The following CDH3 variants were observed in gnomAD, a reference collection of about 807,000 sequenced individuals.
CDH3 encodes the protein cadherin-3.
In CDH3, 54 loss-of-function variants were observed where a neutral mutation model predicts 82.0. The ratio of observed to expected loss-of-function variants is 0.66; its 90% CI spans 0.53 to 0.83. The LOEUF (loss-of-function observed/expected upper bound fraction) is 0.83. Among genes scored for constraint, CDH3 ranks in the 40% least tolerant of loss-of-function variants. The pLI is 0.00. For missense variants in CDH3, 1,054 were observed against 1,084.6 expected, an observed-to-expected ratio of 0.97 and a Z score of 0.40; for synonymous variants, 446 against 437.9, an observed-to-expected ratio of 1.02 and a Z score of -0.23.
chr16:68,682,564 G>A (rs1203994356), intron 9 of CDH3, 77 bp downstream of exon 9: 4 of 1,381,362 alleles, frequency 2.9e-6, no homozygotes, highest in Admixed American at 1.7e-5. Context: ...AGGAGCCACT[G>A]TCTACCGTGG....
downstream of CDH3, among the ~76,000 whole-genome samples, chr16:68,700,658 C>T (rs945840068): frequency 6.6e-6 from 1 of 152,136 alleles, no homozygotes; most frequent in South Asian, 2.1e-4. Flanking sequence ...GAGTTATAGG[C>T]GTGAGCCACC....
intron 2 of CDH3, among the ~76,000 whole-genome samples, chr16:68,656,935 C>T (rs1178768392): frequency 6.6e-6 from 1 of 152,146 alleles, no homozygotes; most frequent in Non-Finnish European, 1.5e-5. Flanking sequence ...ACTGACAGCC[C>T]TCTGCAGAGA....
chr16:68,665,989 A>G (rs933316909), intron 2 of CDH3, among the ~76,000 whole-genome samples: 1 of 152,172 alleles, frequency 6.6e-6, no homozygotes, highest in Non-Finnish European at 1.5e-5. Context: ...ATGGGGGCCT[A>G]CCACCCATAC....
At chr16:68,732,676 C>T in the CDH3 span, among the ~76,000 whole-genome samples, 1 of 152,134 alleles carries the variant, frequency 6.6e-6, no homozygotes, top group African/African-American at 2.4e-5. Flanking sequence ...GGGTTTTCCC[C>T]AGTTGAGATG....
intron 8 of CDH3, among the ~76,000 whole-genome samples, chr16:68,681,778 C>T (rs922617110): frequency 6.6e-6 from 1 of 151,920 alleles, no homozygotes; most frequent in Non-Finnish European, 1.5e-5. Context: ...GTGGAGGTTG[C>T]AGTGAGCCGA....
intron 1 of CDH3, among the ~76,000 whole-genome samples, chr16:68,721,229 CTTTT>C (rs71148941): frequency 6.6e-4 from 76 of 114,560 alleles, no homozygotes; most frequent in Non-Finnish European, 6.7e-4. Context: ...GCAGTTTAGT[CTTTT>C]TTTTTTTTTT....
chr16:68,688,821 T>G (rs1483881746), intron 12 of CDH3, among the ~76,000 whole-genome samples: 1 of 152,146 alleles, frequency 6.6e-6, no homozygotes, highest in Non-Finnish European at 1.5e-5. Context: ...GGTTTTGCCA[T>G]GTTGGCCAGG....
chr16:68,712,489 C>T (rs1299782920), intron 1 of CDH3, among the ~76,000 whole-genome samples: 1 of 152,068 alleles, frequency 6.6e-6, no homozygotes, highest in Admixed American at 6.6e-5. Context: ...ATTCTAAGAG[C>T]GGGTAGTCTA....
chr16:68,684,669 C>A lies in CDH3; in HGVS notation c.1269C>A (p.Ser423=). The A allele has an allele frequency of 6.2e-7, 1 of 1,614,228 alleles. No individual in the cohort carries two copies. Among genetic ancestry groups the A allele is most frequent in the Non-Finnish European group, 8.5e-7 (1 of 1,180,040 alleles). The change falls in exon 10 of 16, where the codon TCC becomes TCA. Residue 423 remains serine (S), a synonymous_variant. Transcript: ENST00000264012. ...CTTTTGTGCTGAAGCTCCCAACCTC[C>A]ACAGCCACCATAGTGGTCCACGTGG... ...EAPFVLKLPT[S]TATIVVHVED...
rs1421469006 is a variant in CDH3 at position 68,691,745 on chromosome 16, G to A, written c.1821G>A (p.Lys607=). 6.2e-7 allele frequency: 1 copy of A among 1,614,130 alleles called. No homozygotes were observed. The highest frequency in any genetic ancestry group is 1.1e-5 in the South Asian group (1 of 91,080). ...GTGACACAGTGGTCTTGTCCCTGAA[G>A]AAGTTCCTGAAGCAGGATACATATG... ...EEGDTVVLSL[K]KFLKQDTYDV... Residue 607 remains lysine, a synonymous_variant, in exon 13 of 16, where the codon AAG becomes AAA. Coordinates refer to ENST00000264012, the MANE Select transcript of CDH3 (RefSeq NM_001793.6).
rs866146710 is a variant in CDH3 at position 68,682,526 on chromosome 16, G to T, written c.1182+39G>T. On this transcript the variant is annotated intron_variant, in intron 9 of 15. Coordinates refer to ENST00000264012, the MANE Select transcript of CDH3 (RefSeq NM_001793.6). The stretch of plus-strand genomic sequence containing the variant: ...GGCCTCAGACAATGGCTATACCTGG[G>T]GCAGTCAGGTCTGCAGCCTTCAGGA... The T allele has an allele frequency of 3.8e-6, 6 of 1,592,500 alleles. No homozygotes were observed. The Middle Eastern group carries it at 6.7e-4, about 179-fold the overall frequency.
intron 2 of CDH3, among the ~76,000 whole-genome samples, chr16:68,661,456 A>G (rs1263751330): frequency 6.6e-6 from 1 of 152,268 alleles, no homozygotes; most frequent in African/African-American, 2.4e-5. Context: ...GAGTACATCA[A>G]TGTTAAGTGC....
At position 68,685,367 on chromosome 16, in the gene CDH3, A is replaced by G; in HGVS notation, c.1570+17A>G. ...TGGACAATGGTGAGAGCATCCTCCC[A>G]GCCCTCCCACAAGGGCCACTTTTGG... On this transcript the variant is annotated intron_variant, in intron 11 of 15. Coordinates refer to ENST00000264012, the MANE Select transcript of CDH3 (RefSeq NM_001793.6). 6.2e-7 allele frequency: 1 copy of G among 1,613,608 alleles called. No homozygotes were observed. Among genetic ancestry groups the G allele is most frequent in the Non-Finnish European group, 8.5e-7 (1 of 1,179,904 alleles).
chr16:68,678,758 A>C lies in CDH3; in HGVS notation c.547-4A>C. The stretch of plus-strand genomic sequence containing the variant: ...GGCTGACCCCAGAGCTGTGTACCCC[A>C]CAGCTCTTTGGCCACGCTGTGTCAG... On this transcript the variant is annotated splice_region_variant and splice_polypyrimidine_tract_variant and intron_variant, in intron 5 of 15. Transcript: ENST00000264012. 6.2e-7 allele frequency: 1 copy of C among 1,614,154 alleles called. No homozygotes were observed.
At chr16:68,731,037 AAAAAAAAAAAATATAT>A (rs1400876582), downstream of CDH3, among the ~76,000 whole-genome samples, 130 of 32,614 alleles carry the variant, frequency 4.0e-3, no homozygotes, top group Non-Finnish European at 9.4e-3. Context: ...AAAAAAAAAA[AAAAAAAAAAAATATAT>A]ATATATATAT....
intron 2 of CDH3, among the ~76,000 whole-genome samples, chr16:68,664,161 A>G (rs1404594551): frequency 6.6e-6 from 1 of 152,120 alleles, no homozygotes; most frequent in Non-Finnish European, 1.5e-5. Flanking sequence ...TCTCAAGCTG[A>G]GTACATGATA....
intron 2 of CDH3, chr16:68,651,482 G>GA (rs1960244548): frequency 4.9e-6 from 2 of 409,832 alleles, no homozygotes; most frequent in African/African-American, 4.5e-5. Flanking sequence ...CGGCCTTCAT[G>GA]GTGTTCTAGT....
chr16:68,731,035 AAAAAAAAAAAAAATATATAT>A (rs1962276943), downstream of CDH3, among the ~76,000 whole-genome samples: 5 of 31,012 alleles, frequency 1.6e-4, no homozygotes, highest in South Asian at 6.1e-3. Flanking sequence ...AAAAAAAAAA[AAAAAAAAAAAAAATATATAT>A]ATATATATAT....
chr16:68,703,525 C>T (rs1021234231), downstream of CDH3, among the ~76,000 whole-genome samples: 5 of 152,236 alleles, frequency 3.3e-5, no homozygotes, highest in East Asian at 5.8e-4. Flanking sequence ...AGGCTAAAGG[C>T]AGAACCCACC....
Sources: gnomAD v4.1 joint callset for allele counts (sites outside exome capture counted in the v4.1 genomes callset) on GRCh38, gnomAD v4.1.1 for gene constraint, MANE v1.5 for transcripts, NCBI Gene and HGNC (gene_info 2026-07-23, HGNC 2026-07-21) for gene names.